Variants in TRMT10B observed in about 807,000 individuals in gnomAD.
TRMT10B encodes tRNA methyltransferase 10 homolog B.
A neutral mutation model predicts 43.8 loss-of-function variants in TRMT10B; 33 were observed. The observed-to-expected ratio is 0.75, with a 90% CI of 0.57 to 1.01. The LOEUF (loss-of-function observed/expected upper bound fraction) is 1.01. Ranked by LOEUF, TRMT10B falls within the 50% of genes least tolerant of loss-of-function variation. TRMT10B has a pLI of 0.00. For synonymous variants in TRMT10B, 137 were observed against 130.6 expected, an observed-to-expected ratio of 1.05 and a Z score of -0.34; for missense variants, 362 against 369.8, an observed-to-expected ratio of 0.98 and a Z score of 0.17.
intron 4 of TRMT10B, among the ~76,000 whole-genome samples, chr9:37,764,542 C>T (rs377674098): frequency 2.0e-5 from 3 of 151,806 alleles, no homozygotes; most frequent in African/African-American, 7.3e-5. Flanking sequence ...AGGGTGGTCT[C>T]GATCTCCTGA....
At chr9:37,755,376 G>A (rs1185561283) in intron 1 of TRMT10B, among the ~76,000 whole-genome samples, 2 of 150,118 alleles carry the variant, frequency 1.3e-5, no homozygotes, top group Non-Finnish European at 3.0e-5. Flanking sequence ...CCTTAGGTGT[G>A]TTTTTAACTG....
At chr9:37,770,815 T>A in intron 7 of TRMT10B, 76 bp downstream of exon 7, 1 of 1,503,892 alleles carries the variant, frequency 6.6e-7, no homozygotes, top group East Asian at 2.3e-5. Flanking sequence ...CCTGTTATAG[T>A]CTCCTCTAGA....
chr9:37,759,416 T>C (rs1826082583), intron 1 of TRMT10B, among the ~76,000 whole-genome samples: 1 of 152,232 alleles, frequency 6.6e-6, no homozygotes, highest in Non-Finnish European at 1.5e-5. Flanking sequence ...AGTTGTATAA[T>C]AGATACAGCT....
chr9:37,770,706 C>G lies in TRMT10B; in HGVS notation c.687C>G (p.Ile229Met). 6.2e-7 allele frequency: 1 copy of G among 1,613,968 alleles called. No homozygotes were observed. Among genetic ancestry groups the G allele is most frequent in the South Asian group, 1.1e-5 (1 of 91,048 alleles). ...ATGTTGATCTAAACAAAGTTTACAT[C>G]CTCGGTGGGCTTGTGGATGAAAGCA... ...LEDVDLNKVY[I>M]LGGLVDESIQ... Residue 229 changes from isoleucine to methionine, a missense_variant, in exon 7 of 9, where the codon ATC becomes ATG. Transcript: ENST00000297994.
chr9:37,754,698 C>G (rs890141699), intron 1 of TRMT10B, among the ~76,000 whole-genome samples: 3 of 152,120 alleles, frequency 2.0e-5, no homozygotes, highest in African/African-American at 7.2e-5. Context: ...GAATGTCATC[C>G]CCAAGTCCCC....
At chr9:37,773,868 T>G (rs879056958) in intron 7 of TRMT10B, among the ~76,000 whole-genome samples, 4 of 151,168 alleles carry the variant, frequency 2.6e-5, no homozygotes, top group Non-Finnish European at 5.9e-5. Context: ...GGAGGACTAC[T>G]TGAACCCAAG....
intron 7 of TRMT10B, among the ~76,000 whole-genome samples, chr9:37,774,167 G>A (rs924529563): frequency 3.3e-5 from 5 of 151,972 alleles, no homozygotes; most frequent in African/African-American, 1.2e-4. Context: ...GCGCTACCAT[G>A]CCCAGCTAAT....
intron 1 of TRMT10B, among the ~76,000 whole-genome samples, chr9:37,760,216 G>A (rs1045744846): frequency 6.6e-6 from 1 of 152,204 alleles, no homozygotes; most frequent in African/African-American, 2.4e-5. Context: ...CCACTACTGG[G>A]GAGGCTGAAG....
chr9:37,769,823 G>A lies in TRMT10B; in HGVS notation c.574-118G>A, dbSNP rs931512076. The A allele has an allele frequency of 1.5e-5, 12 of 813,762 alleles. No individual in the cohort carries two copies. In the East Asian group the frequency reaches 1.7e-4, roughly 12 times the overall value. The allele number at this position is 813,762 out of a possible 1,614,324, so 50.4% of individuals were successfully genotyped here. A position where few individuals can be genotyped will look rare whatever the true frequency, so the allele number is the denominator to read the frequency against. On this transcript the variant is annotated intron_variant, in intron 5 of 8. Transcript: ENST00000297994. ...TCACCATGTTGCCCAGTCTGGTCTC[G>A]AACTTTGGAGCTCAAGTGATCCTTC...
upstream of TRMT10B, chr9:37,753,788 GCGAGGC>G (rs1211310806): frequency 3.9e-5 from 6 of 152,452 alleles, no homozygotes; most frequent in Non-Finnish European, 8.8e-5. Flanking sequence ...CGAAGCGGAA[GCGAGGC>G]CGGGGGCGGG....
At chr9:37,753,599 A>G (rs966233274), upstream of TRMT10B, among the ~76,000 whole-genome samples, 11 of 152,198 alleles carry the variant, frequency 7.2e-5, no homozygotes, top group Non-Finnish European at 1.5e-4. Flanking sequence ...GGGTTGTAAT[A>G]GCTGTCCAGC....
At position 37,778,701 on chromosome 9, in the gene TRMT10B, CGTT is replaced by C. The variant is rs1281700303; in HGVS notation, c.*999_*1001del. ...TTCTCCAGCCTTGTCTGATCATGCTCGTTGTTGCCCAGCTCAGTAATAAGCTTT... is the reference window on the plus strand; with the variant it reads ...TTCTCCAGCCTTGTCTGATCATGCTCGTTGCCCAGCTCAGTAATAAGCTTT... On this transcript the variant is annotated 3_prime_UTR_variant, in exon 9 of 9. Coordinates refer to ENST00000297994, the MANE Select transcript of TRMT10B (RefSeq NM_144964.4). The C allele has an allele frequency of 1.3e-5, 2 of 152,164 alleles. No individual in the cohort carries two copies. The highest frequency in any genetic ancestry group is 1.5e-5 in the Non-Finnish European group (1 of 68,038). 9.4% of individuals were successfully genotyped at this position (152,164 alleles called of 1,614,324 possible). A position where few individuals can be genotyped will look rare whatever the true frequency, so the allele number is the denominator to read the frequency against.
intron 1 of TRMT10B, among the ~76,000 whole-genome samples, chr9:37,756,516 G>A (rs891563134): frequency 6.6e-6 from 1 of 151,888 alleles, no homozygotes; most frequent in African/African-American, 2.4e-5. Flanking sequence ...GACCAGCCTG[G>A]CCAACTTGGT....
upstream of TRMT10B, among the ~76,000 whole-genome samples, chr9:37,752,971 A>C (rs1825085287): frequency 6.6e-6 from 1 of 152,130 alleles, no homozygotes. Context: ...GTTGCTTGCT[A>C]ACCCTTTGGG....
At position 37,753,842 on chromosome 9, in the gene TRMT10B, GA is replaced by G. The variant is rs1373788737; in HGVS notation, c.-39del. 1.3e-5 allele frequency: 2 copies of G among 152,458 alleles called. No homozygotes were observed. Among genetic ancestry groups the G allele is most frequent in the Non-Finnish European group, 2.9e-5 (2 of 68,222 alleles). The allele number at this position is 152,458 out of a possible 1,614,324, so 9.4% of individuals were successfully genotyped here. A position where few individuals can be genotyped will look rare whatever the true frequency, so the allele number is the denominator to read the frequency against. ...CGCGCCGCTGCCGCTGCGTGGGGGTGAGGGGATCAGGTACGCTGTCCGCTGG... is the reference window on the plus strand; with the variant it reads ...CGCGCCGCTGCCGCTGCGTGGGGGTGGGGGATCAGGTACGCTGTCCGCTGG... On this transcript the variant is annotated 5_prime_UTR_variant, in exon 1 of 9. The change abolishes the stop of an existing upstream ORF in the 5' untranslated region. Transcript: ENST00000297994.
At position 37,761,957 on chromosome 9, in the gene TRMT10B, C is replaced by A. The variant is rs1826382703; in HGVS notation, c.26C>A (p.Thr9Asn). Reference sequence around the variant, plus strand: ...ATGGACTGGAAATTGGAAGGGAGTACTCAGAAAGTAGAGTCACCTGTGCTG... The same window carrying A: ...ATGGACTGGAAATTGGAAGGGAGTAATCAGAAAGTAGAGTCACCTGTGCTG... MDWKLEGS[T>N]QKVESPVLQG... The change falls in exon 2 of 9, where the codon ACT becomes AAT. Residue 9 changes from threonine (T) to asparagine (N), a missense_variant. Coordinates refer to ENST00000297994, the MANE Select transcript of TRMT10B (RefSeq NM_144964.4). 3.1e-6 allele frequency: 5 copies of A among 1,613,614 alleles called. No individual in the cohort carries two copies. In the East Asian group the frequency reaches 1.1e-4, roughly 36 times the overall value.
intron 3 of TRMT10B, among the ~76,000 whole-genome samples, chr9:37,762,938 C>T (rs185062609): frequency 1.9e-3 from 276 of 147,122 alleles, no homozygotes; most frequent in African/African-American, 6.7e-3. Flanking sequence ...TCGAGACCGT[C>T]CTGGATAACA....
intron 1 of TRMT10B, among the ~76,000 whole-genome samples, chr9:37,759,938 T>A (rs1012887334): frequency 6.6e-6 from 1 of 152,210 alleles, no homozygotes; most frequent in African/African-American, 2.4e-5. Flanking sequence ...ATACACAAAT[T>A]CATTAAACTG....
chr9:37,778,477 G>T lies in TRMT10B; in HGVS notation c.*770G>T, dbSNP rs1404229953. 2.6e-5 allele frequency: 4 copies of T among 151,908 alleles called. No homozygotes were observed. Among genetic ancestry groups the T allele is most frequent in the Non-Finnish European group, 5.9e-5 (4 of 68,010 alleles). The allele number at this position is 151,908 out of a possible 1,614,324, so 9.4% of individuals were successfully genotyped here. The stretch of plus-strand genomic sequence containing the variant: ...TTGTAGTGAGCCAAGATCCAGCCTG[G>T]GCGACAGAGCCAGACTCTTGTCTCG... On this transcript the variant is annotated 3_prime_UTR_variant, in exon 9 of 9. Coordinates refer to ENST00000297994, the MANE Select transcript of TRMT10B (RefSeq NM_144964.4).
Sources: gnomAD v4.1 joint callset for allele counts (sites outside exome capture counted in the v4.1 genomes callset) on GRCh38, gnomAD v4.1.1 for gene constraint, MANE v1.5 for transcripts, NCBI Gene and HGNC (gene_info 2026-07-23, HGNC 2026-07-21) for gene names.